PARP4: variants seen among roughly 807,000 people sequenced by gnomAD.
PARP4 encodes poly(ADP-ribose) polymerase family member 4, also known as protein mono-ADP-ribosyltransferase PARP4.
A neutral mutation model predicts 187.7 loss-of-function variants in PARP4; 120 were observed. The observed-to-expected ratio is 0.64, with a 90% CI of 0.55 to 0.74. The LOEUF is 0.74. PARP4 is among the 30% of genes least tolerant of loss of function. PARP4 has a pLI of 0.00. For missense variants in PARP4, 1,836 were observed against 2,070.5 expected (o/e 0.89, Z 2.20); for synonymous variants, 654 against 740.9 (o/e 0.88, Z 1.90).
Position 24,426,595 on chromosome 13 carries a change from A to C in PARP4, c.4850T>G (p.Val1617Gly). ...LKQKGIQSLG[V>G]KGRECLLDLI... is the part of the protein sequence containing the mutation. Reference sequence around the variant, plus strand: ...GTCCAGGAGACATTCTCTTCCTTTTACACCTAAAAGGAAAAAAACTCCGTT... The same window carrying C: ...GTCCAGGAGACATTCTCTTCCTTTTCCACCTAAAAGGAAAAAAACTCCGTT... Residue 1617 changes from valine (V) to glycine (G), a missense_variant, in exon 33 of 34, where the codon GTA becomes GGA. Physicochemically the swap from Val to Gly is moderately radical, Grantham distance 109. Transcript: ENST00000381989. 6.2e-7 allele frequency: 1 copy of C among 1,610,960 alleles called. No homozygotes were observed. The highest frequency in any genetic ancestry group is 8.5e-7 in the Non-Finnish European group (1 of 1,179,128).
rs187606907 is a variant in PARP4, at chr13:24,430,850, C to T, written c.4846+527G>A. ...CAGAGCTCTTTTCTCCTCCTGGACA[C>T]GCAGCTTAACAGTACATTTCTCAGG... On this transcript the variant is annotated intron_variant, in intron 32 of 33. Transcript: ENST00000381989. Among the ~76,000 whole-genome samples the T allele has an allele frequency of 1.0e-3, 156 of 152,354 alleles. 1 individual carries two copies. The East Asian group carries it at 0.021, about 21-fold the overall frequency.
In PARP4 at chr13:24,477,804, A is replaced by C. The variant is rs892644136; in HGVS notation, c.1686T>G (p.Ile562Met). 6.3e-7 allele frequency: 1 copy of C among 1,575,904 alleles called. No homozygotes were observed. Among genetic ancestry groups the C allele is most frequent in the African/African-American group, 1.4e-5 (1 of 73,806 alleles). The part of the protein sequence containing the change: ...KTNQVKMKYI[I>M]KFSMPGDQIK... ...TCTGATCTCCAGGCATGGAAAATTT[A>C]ATAATATATTTCATTTTAACCTGAT... Residue 562 changes from isoleucine (I) to methionine (M), a missense_variant, in exon 14 of 34, where the codon ATT (isoleucine) becomes ATG (methionine). Around this residue, in one of 8 missense-constraint regions of PARP4, gnomAD observed 1,147 missense variants for 1,214.2 expected, o/e 0.94. Transcript: ENST00000381989.
intron 5 of PARP4, among the ~76,000 whole-genome samples, chr13:24,498,508 A>C (rs61946868): frequency 0.13 from 19,443 of 152,168 alleles, 1,482 homozygotes; most frequent in Middle Eastern, 0.29. Context: ...CTTATCAAAG[A>C]GGGAAATGTT....
rs1872528069 is a variant in PARP4, at chr13:24,467,390, T to G, written c.2133+1634A>C. 2.0e-5 allele frequency among the ~76,000 whole-genome samples: 3 copies of G among 152,188 alleles called. No individual in the cohort carries two copies. The South Asian group carries it at 6.2e-4, about 31-fold the overall frequency. On this transcript the variant is annotated intron_variant, in intron 17 of 33. Transcript: ENST00000381989. ...ATGGGAAAATGAAGCCATGGGTCTT[T>G]CCGGGGGAAGGCAGGAAAAGCTTAG...
At chr13:24,459,521 G>C in intron 18 of PARP4, 1 of 392,450 alleles carries the variant, frequency 2.5e-6, no homozygotes, top group Non-Finnish European at 4.5e-6. Flanking sequence ...CTCTACATAT[G>C]TCTGTGTGTA....
rs117138076 is a variant in PARP4, at chr13:24,460,457, C to T, written c.2134-321G>A. Among the ~76,000 whole-genome samples, 125 of 119,988 alleles carry T rather than the reference C, an allele frequency of 1.0e-3. 2 individuals are homozygous for T. Among genetic ancestry groups the T allele is most frequent in the Middle Eastern group, 8.8e-3 (2 of 228 alleles). The allele number at this position is 119,988 out of a possible 152,430, so 78.7% of individuals were successfully genotyped here. On this transcript the variant is annotated intron_variant, in intron 17 of 33. Coordinates refer to ENST00000381989, the MANE Select transcript of PARP4 (RefSeq NM_006437.4). The stretch of plus-strand genomic sequence containing the variant: ...CTCTGCACACGTGGGCTCTGCTGCA[C>T]GGGTGGGCTCTGCTGCACGGGTGGG...
chr13:24,507,077 G>GGCGGGGCCA (rs1484546444), intron 1 of PARP4, among the ~76,000 whole-genome samples: 12 of 149,116 alleles, frequency 8.0e-5, no homozygotes, highest in African/African-American at 2.3e-4. Context: ...GTCCGGGGCC[G>GGCGGGGCCA]GCGGGGCCAG....
intron 10 of PARP4, among the ~76,000 whole-genome samples, chr13:24,487,617 A>T (rs1873637225): frequency 6.6e-6 from 1 of 152,082 alleles, no homozygotes; most frequent in South Asian, 2.1e-4. Context: ...GGTAGCTAAG[A>T]TGGGGCAGTT....
At chr13:24,482,642 A>G (rs1873339642) in intron 12 of PARP4, among the ~76,000 whole-genome samples, 1 of 133,504 alleles carries the variant, frequency 7.5e-6, no homozygotes, top group Non-Finnish European at 1.6e-5. Flanking sequence ...GTTAAAATTA[A>G]GGTTATGTAC....
chr13:24,498,063 G>A (rs1869051196), intron 6 of PARP4, 53 bp downstream of exon 6: 7 of 1,251,524 alleles, frequency 5.6e-6, no homozygotes, highest in South Asian at 3.8e-5. Context: ...TCATTGAAAT[G>A]AGTTATGAAC....
chr13:24,446,840 G>T, intron 26 of PARP4, 79 bp from the exon 27 acceptor site: 3 of 1,374,222 alleles, frequency 2.2e-6, no homozygotes, highest in Non-Finnish European at 3.0e-6. Flanking sequence ...TTCTTTTGGT[G>T]ATTTTCTCTC....
At chr13:24,443,317 GAATACT>G (rs1314024411) in intron 28 of PARP4, among the ~76,000 whole-genome samples, 2 of 152,130 alleles carry the variant, frequency 1.3e-5, no homozygotes, top group Non-Finnish European at 2.9e-5. Context: ...AGTAAGATGG[GAATACT>G]AACGCTACCA....
At chr13:24,506,871 G>A (rs1205602871) in intron 1 of PARP4, among the ~76,000 whole-genome samples, 2 of 152,236 alleles carry the variant, frequency 1.3e-5, no homozygotes, top group Non-Finnish European at 2.9e-5. Flanking sequence ...CCGCGCTCCT[G>A]CGGGACGCTC....
chr13:24,440,877 T>A (rs1870892719), intron 30 of PARP4, among the ~76,000 whole-genome samples: 1 of 152,198 alleles, frequency 6.6e-6, no homozygotes, highest in Non-Finnish European at 1.5e-5. Flanking sequence ...TTTCGTATAT[T>A]ATTTTCTTAT....
rs755588529 is a variant in PARP4 at position 24,456,274 on chromosome 13, T to A, written c.2562+67A>T. The A allele has an allele frequency of 3.4e-4, 454 of 1,328,348 alleles. 1 individual carries two copies. The highest frequency in any genetic ancestry group is 5.5e-4 in the South Asian group (35 of 63,834). The allele number at this position is 1,328,348 out of a possible 1,614,324, so 82.3% of individuals were successfully genotyped here. A position where few individuals can be genotyped will look rare whatever the true frequency, so the allele number is the denominator to read the frequency against. On this transcript the variant is annotated intron_variant, in intron 21 of 33. Coordinates refer to ENST00000381989, the MANE Select transcript of PARP4 (RefSeq NM_006437.4). ...TTCAGGACAATCAATAATTTGCAAG[T>A]TTAACCAGCTTATTCTGAAACATTT...
At chr13:24,426,931 G>A (rs1870089200) in intron 32 of PARP4, among the ~76,000 whole-genome samples, 2 of 149,822 alleles carry the variant, frequency 1.3e-5, no homozygotes, top group South Asian at 4.2e-4. Flanking sequence ...TTATAATACG[G>A]TTAAATCACA....
At chr13:24,427,515 C>T (rs1427135073) in intron 32 of PARP4, among the ~76,000 whole-genome samples, 1 of 151,116 alleles carries the variant, frequency 6.6e-6, no homozygotes, top group Non-Finnish European at 1.5e-5. Context: ...AGATTATAGG[C>T]AAGAGCCACA....
intron 32 of PARP4, among the ~76,000 whole-genome samples, chr13:24,430,360 A>C (rs1469459372): frequency 6.6e-6 from 1 of 152,196 alleles, no homozygotes; most frequent in Non-Finnish European, 1.5e-5. Flanking sequence ...TATTTAAAAA[A>C]AAAATCTCCA....
chr13:24,459,315 TA>T lies in PARP4; in HGVS notation c.2299-6del. 1 of 1,543,666 alleles carries T rather than the reference TA, an allele frequency of 6.5e-7. No individual in the cohort carries two copies. Among genetic ancestry groups the T allele is most frequent in the Non-Finnish European group, 8.8e-7 (1 of 1,134,982 alleles). On this transcript the variant is annotated splice_polypyrimidine_tract_variant and splice_region_variant and intron_variant, in intron 18 of 33. Coordinates refer to ENST00000381989, the MANE Select transcript of PARP4 (RefSeq NM_006437.4). ...ACAAATCTTCTCTACTGTATCCTGT[TA>T]AAAGAAAAATACATTTGTATAACTA... is the stretch of plus-strand genomic sequence containing the variant.
Sources: gnomAD v4.1 joint callset for allele counts (sites outside exome capture counted in the v4.1 genomes callset) on GRCh38, gnomAD v4.1.1 for gene constraint, gnomAD v4.1.1 regional missense constraint, MANE v1.5 for transcripts, NCBI Gene and HGNC (gene_info 2026-07-23, HGNC 2026-07-21) for gene names.